The following RNGTT variants were observed in gnomAD, a reference collection of about 807,000 sequenced individuals.
RNGTT encodes mRNA-capping enzyme.
A neutral mutation model predicts 79.3 loss-of-function variants in RNGTT; 33 were observed. That is an observed-to-expected ratio of 0.42 (90% confidence interval 0.32 to 0.56). The LOEUF is 0.56. RNGTT is among the 20% of genes least tolerant of loss of function. The probability of loss-of-function intolerance (pLI) is 0.17; values close to 1 mark genes in which losing one functional copy is unlikely to be tolerated. For missense variants in RNGTT, 497 were observed against 739.1 expected (o/e 0.67, Z 3.80); for synonymous variants, 222 against 235.9 (o/e 0.94, Z 0.54).
chr6:88,898,311 TTTAAG>T (rs1240508401), intron 6 of RNGTT, among the ~76,000 whole-genome samples: 2 of 152,208 alleles, frequency 1.3e-5, no homozygotes, highest in African/African-American at 2.4e-5. Context: ...AATTGCTCCC[TTTAAG>T]TTAATTCTAA....
chr6:88,823,443 A>G (rs1395891784), intron 11 of RNGTT, among the ~76,000 whole-genome samples: 1 of 2,758 alleles, frequency 3.6e-4, no homozygotes, highest in Non-Finnish European at 7.1e-4. Context: ...TCCAAGGAAA[A>G]AAGAAAAAAA....
chr6:88,691,906 G>A (rs180802515), intron 13 of RNGTT, among the ~76,000 whole-genome samples: 12 of 152,188 alleles, frequency 7.9e-5, no homozygotes, highest in African/African-American at 2.6e-4. Flanking sequence ...TTTAAGAGAT[G>A]AGCTTCCAGG....
chr6:88,808,282 G>A (rs543145842), intron 11 of RNGTT, among the ~76,000 whole-genome samples: 1 of 152,222 alleles, frequency 6.6e-6, no homozygotes, highest in South Asian at 2.1e-4. Flanking sequence ...AATGAGGTAA[G>A]AACCCCAACT....
chr6:88,707,635 C>T (rs1422266195), intron 13 of RNGTT, among the ~76,000 whole-genome samples: 4 of 151,038 alleles, frequency 2.6e-5, no homozygotes, highest in African/African-American at 9.8e-5. Flanking sequence ...CTGCCTGAAA[C>T]TCATGGGTGA....
chr6:88,772,641 C>A (rs1778727992), intron 12 of RNGTT, among the ~76,000 whole-genome samples: 1 of 152,050 alleles, frequency 6.6e-6, no homozygotes, highest in Admixed American at 6.6e-5. Flanking sequence ...AAAAAGACCC[C>A]ATCAAAAAGT....
At chr6:88,940,960 C>T (rs1024677400) in intron 2 of RNGTT, 111 bp downstream of exon 2, 2 of 585,242 alleles carry the variant, frequency 3.4e-6, no homozygotes, top group Non-Finnish European at 6.0e-6. Context: ...TGCAACTTCC[C>T]TTGAGTCTAT....
chr6:88,873,142 C>A (rs1230750501), intron 8 of RNGTT, among the ~76,000 whole-genome samples: 1 of 151,984 alleles, frequency 6.6e-6, no homozygotes, highest in African/African-American at 2.4e-5. Context: ...CACCTAAGCA[C>A]AACTGCTTAT....
rs151104331 is a variant in RNGTT, at chr6:88,664,439, A to G, written c.1506+13914T>C. On this transcript the variant is annotated intron_variant, in intron 14 of 15. Coordinates refer to ENST00000369485, the MANE Select transcript of RNGTT (RefSeq NM_003800.5). ...GTTTGCAGGTATGAATACGTCGCCA[A>G]TTACTGGAAATAGCCAACCAAGTGT... Among the ~76,000 whole-genome samples, 17 of 152,318 alleles carry G rather than the reference A, an allele frequency of 1.1e-4. No individual in the cohort carries two copies. In the East Asian group the frequency reaches 3.1e-3, roughly 28 times the overall value.
At chr6:88,783,884 T>C (rs1300456456) in intron 12 of RNGTT, among the ~76,000 whole-genome samples, 1 of 152,178 alleles carries the variant, frequency 6.6e-6, no homozygotes, top group Non-Finnish European at 1.5e-5. Flanking sequence ...GAATCACTGA[T>C]CTAAAGTATG....
chr6:88,665,597 C>T (rs1385650466), intron 14 of RNGTT, among the ~76,000 whole-genome samples: 2 of 152,182 alleles, frequency 1.3e-5, no homozygotes, highest in Non-Finnish European at 2.9e-5. Context: ...TGAAGGACGC[C>T]TTCTTTAGCA....
At chr6:88,866,552 T>C (rs1562292905) in intron 8 of RNGTT, among the ~76,000 whole-genome samples, 1 of 152,168 alleles carries the variant, frequency 6.6e-6, no homozygotes, top group Non-Finnish European at 1.5e-5. Flanking sequence ...CCTCAAAAAC[T>C]AGATTTGAAT....
intron 13 of RNGTT, among the ~76,000 whole-genome samples, chr6:88,710,447 A>C (rs1776279890): frequency 6.6e-6 from 1 of 152,254 alleles, no homozygotes; most frequent in Non-Finnish European, 1.5e-5. Flanking sequence ...ATAACAATTT[A>C]AAAATGATAT....
Position 88,795,533 on chromosome 6 carries a change from G to A in RNGTT, c.1338+6031C>T, listed in dbSNP as rs534593817. ...AACATCACACACTGGGGCATGTTGT[G>A]GGGGGTTGGGGGCTAGGGAAGGGAT... On this transcript the variant is annotated intron_variant, in intron 12 of 15. Coordinates refer to ENST00000369485, the MANE Select transcript of RNGTT (RefSeq NM_003800.5). Among the ~76,000 whole-genome samples the A allele has an allele frequency of 2.6e-5, 4 of 152,210 alleles. No homozygotes were observed. The East Asian group carries it at 5.8e-4, about 22-fold the overall frequency.
chr6:88,658,304 A>G (rs1774057377), intron 14 of RNGTT, among the ~76,000 whole-genome samples: 1 of 152,194 alleles, frequency 6.6e-6, no homozygotes, highest in Non-Finnish European at 1.5e-5. Context: ...AAACCAGCAC[A>G]CTAAACAAAA....
At chr6:88,787,191 C>T (rs1779255481) in intron 12 of RNGTT, among the ~76,000 whole-genome samples, 1 of 152,158 alleles carries the variant, frequency 6.6e-6, no homozygotes, top group African/African-American at 2.4e-5. Flanking sequence ...AAATAAAAAA[C>T]ATTAAAGTTA....
At chr6:88,748,725 G>A (rs1215511740) in intron 13 of RNGTT, among the ~76,000 whole-genome samples, 1 of 151,850 alleles carries the variant, frequency 6.6e-6, no homozygotes, top group Non-Finnish European at 1.5e-5. Flanking sequence ...ATATTTATTT[G>A]TTTAACCAAT....
At chr6:88,674,827 T>C (rs571145958) in intron 14 of RNGTT, among the ~76,000 whole-genome samples, 5 of 152,192 alleles carry the variant, frequency 3.3e-5, no homozygotes, top group East Asian at 3.9e-4. Flanking sequence ...CCAGGTGCAG[T>C]GGCTCATGCC....
intron 14 of RNGTT, among the ~76,000 whole-genome samples, chr6:88,640,943 T>G (rs1052711737): frequency 3.9e-5 from 6 of 152,184 alleles, no homozygotes; most frequent in African/African-American, 1.4e-4. Flanking sequence ...GCTTGGGTTA[T>G]TTTCATACCT....
chr6:88,891,934 A>G lies in RNGTT; in HGVS notation c.685-19T>C. The G allele has an allele frequency of 6.8e-7, 1 of 1,470,290 alleles. No individual in the cohort carries two copies. The allele number at this position is 1,470,290 out of a possible 1,614,324, so 91.1% of individuals were successfully genotyped here. A position where few individuals can be genotyped will look rare whatever the true frequency, so the allele number is the denominator to read the frequency against. ...TAGCGCCCTTTAAAAAAAAAATAAG[A>G]AAAATAAGGGAAAGAAAAATATTTT... On this transcript the variant is annotated intron_variant, in intron 6 of 15. Transcript: ENST00000369485.
Sources: gnomAD v4.1 joint callset for allele counts (sites outside exome capture counted in the v4.1 genomes callset) on GRCh38, gnomAD v4.1.1 for gene constraint, MANE v1.5 for transcripts, NCBI Gene and HGNC (gene_info 2026-07-23, HGNC 2026-07-21) for gene names.